The following CHCHD3 variants were observed in gnomAD, a reference collection of about 807,000 sequenced individuals.
CHCHD3 encodes the protein MICOS complex subunit MIC19.
CHCHD3 carries 20 observed loss-of-function variants against 38.2 expected under a neutral mutation model. That is an observed-to-expected ratio of 0.52 (90% CI 0.37 to 0.76). The LOEUF (loss-of-function observed/expected upper bound fraction) is 0.76, where lower values mean the gene tolerates loss of function less well. Ranked by LOEUF, CHCHD3 falls within the 30% of genes least tolerant of loss-of-function variation. CHCHD3 has a pLI of 0.00. For synonymous variants in CHCHD3, 82 were observed against 100.0 expected (o/e 0.82, Z 1.07); for missense variants, 245 against 279.2 (o/e 0.88, Z 0.87).
chr7:133,027,474 G>T (rs1397679106), intron 2 of CHCHD3, among the ~76,000 whole-genome samples: 1 of 150,912 alleles, frequency 6.6e-6, no homozygotes, highest in African/African-American at 2.5e-5. Context: ...GGAAAGAAAA[G>T]AATAAAAAGA....
intron 4 of CHCHD3, among the ~76,000 whole-genome samples, chr7:132,890,292 AG>A (rs1432352698): frequency 6.6e-6 from 1 of 152,212 alleles, no homozygotes; most frequent in Non-Finnish European, 1.5e-5. Flanking sequence ...ATAGACTTGA[AG>A]GGGCTTTACA....
chr7:133,024,697 A>G, intron 2 of CHCHD3, 70 bp from the exon 3 acceptor site: 1 of 1,164,678 alleles, frequency 8.6e-7, no homozygotes, highest in Non-Finnish European at 1.3e-6. Flanking sequence ...GAAAATACTC[A>G]GGAAAGCCCG....
At chr7:132,979,006 G>GGCA (rs1293928643) in intron 3 of CHCHD3, among the ~76,000 whole-genome samples, 1 of 152,138 alleles carries the variant, frequency 6.6e-6, no homozygotes, top group African/African-American at 2.4e-5. Context: ...CAGGGAGTTT[G>GGCA]GCAGTAGGAC....
chr7:132,811,078 A>T (rs1563242323), intron 6 of CHCHD3, among the ~76,000 whole-genome samples: 1 of 152,154 alleles, frequency 6.6e-6, no homozygotes, highest in African/African-American at 2.4e-5. Flanking sequence ...TTGAGAAAAA[A>T]AAAATAAACC....
At chr7:132,987,191 C>A (rs895069134) in intron 3 of CHCHD3, among the ~76,000 whole-genome samples, 1 of 152,146 alleles carries the variant, frequency 6.6e-6, no homozygotes, top group African/African-American at 2.4e-5. Context: ...AAGGACCTTT[C>A]TTCATCAGAC....
At chr7:132,850,921 C>T (rs1808206322) in intron 5 of CHCHD3, among the ~76,000 whole-genome samples, 1 of 152,066 alleles carries the variant, frequency 6.6e-6, no homozygotes, top group African/African-American at 2.4e-5. Flanking sequence ...ATATTCAGTT[C>T]TTAAGTTAGT....
Position 133,020,137 on chromosome 7 carries a change from C to T in CHCHD3, c.251+4409G>A, listed in dbSNP as rs534424766. 5.9e-5 allele frequency among the ~76,000 whole-genome samples: 9 copies of T among 151,898 alleles called. No individual in the cohort carries two copies. The East Asian group carries it at 9.7e-4, about 16-fold the overall frequency. The stretch of plus-strand genomic sequence containing the variant: ...TGCACTAATCTATCAGCGATTTGTG[C>T]GGGACATGATTGTGGAAGCAAATCA... On this transcript the variant is annotated intron_variant, in intron 3 of 7. Coordinates refer to ENST00000262570, the MANE Select transcript of CHCHD3 (RefSeq NM_017812.4).
intron 2 of CHCHD3, among the ~76,000 whole-genome samples, chr7:133,058,235 G>T (rs1180013247): frequency 6.6e-6 from 1 of 150,614 alleles, no homozygotes; most frequent in African/African-American, 2.4e-5. Flanking sequence ...AAAAGCACAA[G>T]TTTCTTTTTT....
chr7:132,810,248 T>C (rs1807033486), intron 6 of CHCHD3, among the ~76,000 whole-genome samples: 1 of 152,160 alleles, frequency 6.6e-6, no homozygotes, highest in Admixed American at 6.5e-5. Flanking sequence ...TAGAAGAAAA[T>C]ACACCTTCGA....
chr7:132,817,220 G>T (rs2032950), intron 6 of CHCHD3, among the ~76,000 whole-genome samples: 148,746 of 149,782 alleles, frequency 0.99, 73,855 homozygotes, highest in South Asian at 1. Context: ...TTTTTTTTTT[G>T]GGCATTACCC....
At position 133,035,594 on chromosome 7, in the gene CHCHD3, TG is replaced by T. The variant is rs1298311089; in HGVS notation, c.170-10968del. On this transcript the variant is annotated intron_variant, in intron 2 of 7. Coordinates refer to ENST00000262570, the MANE Select transcript of CHCHD3 (RefSeq NM_017812.4). The surrounding 1 kb of genome is among the most constrained non-coding windows in gnomAD (Gnocchi z 4.7). ...AGGTGGGGAACACCCAGGTACTGGC[TG>T]GGGGCACTATATCGGAATCAGCAAA... 1.2e-6 allele frequency: 2 copies of T among 1,613,120 alleles called. No homozygotes were observed. The highest frequency in any genetic ancestry group is 2.7e-5 in the African/African-American group (2 of 74,920).
intron 1 of CHCHD3, among the ~76,000 whole-genome samples, chr7:133,070,485 T>C (rs1030769776): frequency 1.3e-5 from 2 of 152,248 alleles, no homozygotes; most frequent in Non-Finnish European, 2.9e-5. Context: ...CTCTTCATTT[T>C]ATACTATGCA....
chr7:132,825,529 A>G (rs762064588), intron 6 of CHCHD3, among the ~76,000 whole-genome samples: 9 of 152,250 alleles, frequency 5.9e-5, no homozygotes, highest in Non-Finnish European at 1.2e-4. Context: ...TATACCAGCA[A>G]TGCTAATTTT....
intron 4 of CHCHD3, among the ~76,000 whole-genome samples, chr7:132,909,215 A>C (rs1809875541): frequency 6.6e-6 from 1 of 152,110 alleles, no homozygotes; most frequent in African/African-American, 2.4e-5. Flanking sequence ...AAATTGCCCA[A>C]GACCAGGTGT....
chr7:132,857,971 A>C (rs1039153483), intron 5 of CHCHD3, among the ~76,000 whole-genome samples: 1 of 152,210 alleles, frequency 6.6e-6, no homozygotes, highest in Non-Finnish European at 1.5e-5. Flanking sequence ...TCTCCACAAG[A>C]AGAACTGGCA....
chr7:132,991,362 T>G (rs1812280993), intron 3 of CHCHD3, among the ~76,000 whole-genome samples: 1 of 152,196 alleles, frequency 6.6e-6, no homozygotes, highest in Non-Finnish European at 1.5e-5. Flanking sequence ...ATTACTTTGT[T>G]TTAACTGCAT....
At chr7:133,012,502 G>A (rs1359428148) in intron 3 of CHCHD3, among the ~76,000 whole-genome samples, 5 of 152,074 alleles carry the variant, frequency 3.3e-5, no homozygotes, top group African/African-American at 9.7e-5. Flanking sequence ...AGTGGCTCAC[G>A]CCTGTAATCC....
chr7:132,840,821 C>T (rs2117099189), intron 5 of CHCHD3, among the ~76,000 whole-genome samples: 1 of 152,256 alleles, frequency 6.6e-6, no homozygotes, highest in South Asian at 2.1e-4. Context: ...ACAAATTAGT[C>T]AGTTCCTCTC....
chr7:132,984,192 G>A (rs1812007370), intron 3 of CHCHD3, among the ~76,000 whole-genome samples: 1 of 151,614 alleles, frequency 6.6e-6, no homozygotes, highest in Non-Finnish European at 1.5e-5. Context: ...CCTGCCGAGT[G>A]CCTGCGATTG....
Sources: allele counts gnomAD v4.1 joint callset (sites outside exome capture counted in the v4.1 genomes callset), GRCh38; gene constraint gnomAD v4.1.1; non-coding constraint Gnocchi (gnomAD v3.1); transcripts MANE v1.5; gene names NCBI Gene and HGNC (gene_info 2026-07-23, HGNC 2026-07-21).